Variants in MAP2K5 observed in about 807,000 individuals in gnomAD.
MAP2K5 encodes the protein mitogen-activated protein kinase kinase 5, also known as dual specificity mitogen-activated protein kinase kinase 5.
Under a neutral mutation model 83.1 loss-of-function variants are expected in MAP2K5, and 49 were observed. That is an observed-to-expected ratio of 0.59 (90% CI 0.47 to 0.75). The LOEUF (loss-of-function observed/expected upper bound fraction) is 0.75, where lower values mean the gene tolerates loss of function less well. Ranked by LOEUF, MAP2K5 falls within the 30% of genes least tolerant of loss-of-function variation. MAP2K5 has a pLI of 0.00. For missense variants in MAP2K5, 457 were observed against 557.5 expected (o/e 0.82, Z 1.82); for synonymous variants, 202 against 191.8 (o/e 1.05, Z -0.44).
chr15:67,564,362 G>T (rs2084798056), intron 3 of MAP2K5, among the ~76,000 whole-genome samples: 1 of 152,144 alleles, frequency 6.6e-6, no homozygotes, highest in Non-Finnish European at 1.5e-5. Flanking sequence ...ATGTGGAAAT[G>T]ATGGAATCAG....
chr15:67,582,228 A>AT (rs1327958449), intron 4 of MAP2K5, among the ~76,000 whole-genome samples: 1 of 151,830 alleles, frequency 6.6e-6, no homozygotes, highest in Non-Finnish European at 1.5e-5. Flanking sequence ...CACCCAGCTA[A>AT]TTTTTGTATT....
Position 67,586,826 on chromosome 15 carries a change from G to T in MAP2K5, c.364-20G>T, listed in dbSNP as rs201761109. 6.2e-7 allele frequency: 1 copy of T among 1,611,802 alleles called. No individual in the cohort carries two copies. Among genetic ancestry groups the T allele is most frequent in the South Asian group, 1.1e-5 (1 of 91,026 alleles). ...GTCCTCAGAACACAAGACTGATCAA[G>T]ATTCTTTCTTTACTTATAGGTGAAT... is the stretch of plus-strand genomic sequence containing the variant. On this transcript the variant is annotated intron_variant, in intron 5 of 21. Transcript: ENST00000178640.
In MAP2K5 at chr15:67,555,333, C is replaced by G. The variant is rs2084603036; in HGVS notation, c.184+5251C>G. On this transcript the variant is annotated intron_variant, in intron 2 of 21. Coordinates refer to ENST00000178640, the MANE Select transcript of MAP2K5 (RefSeq NM_145160.3). The surrounding 1 kb of genome is among the most constrained non-coding windows in gnomAD (Gnocchi z 5.2). Reference sequence around the variant, plus strand: ...CAACCAACCAGTTTCTCACATGAACCAACAGAGTGAGAACCCACTACCATA... The same window carrying G: ...CAACCAACCAGTTTCTCACATGAACGAACAGAGTGAGAACCCACTACCATA... Among the ~76,000 whole-genome samples the G allele has an allele frequency of 6.6e-6, 1 of 152,138 alleles. No individual in the cohort carries two copies.
chr15:67,671,703 G>A (rs56689468), intron 13 of MAP2K5, among the ~76,000 whole-genome samples: 26,669 of 151,122 alleles, frequency 0.18, 3,117 homozygotes, highest in African/African-American at 0.33. Flanking sequence ...GGGTACGTGT[G>A]CACAATGTGC....
intron 8 of MAP2K5, among the ~76,000 whole-genome samples, chr15:67,612,616 C>T (rs1399831306): frequency 6.6e-6 from 1 of 152,148 alleles, no homozygotes; most frequent in Non-Finnish European, 1.5e-5. Flanking sequence ...AGGAAAAAGT[C>T]TCTCCTGGTT....
At chr15:67,784,133 T>G (rs2090375406) in intron 21 of MAP2K5, among the ~76,000 whole-genome samples, 1 of 152,214 alleles carries the variant, frequency 6.6e-6, no homozygotes, top group Non-Finnish European at 1.5e-5. Flanking sequence ...AGTTATCTCA[T>G]TTGACCTTCA....
At chr15:67,663,794 G>T (rs2087300717) in intron 12 of MAP2K5, among the ~76,000 whole-genome samples, 1 of 152,128 alleles carries the variant, frequency 6.6e-6, no homozygotes, top group Non-Finnish European at 1.5e-5. Flanking sequence ...AGGATTGTTT[G>T]ATCCCAGGAA....
rs186547332 is a variant in MAP2K5 at position 67,738,469 on chromosome 15, C to T, written c.1075-9762C>T. On this transcript the variant is annotated intron_variant, in intron 17 of 21. Coordinates refer to ENST00000178640, the MANE Select transcript of MAP2K5 (RefSeq NM_145160.3). The surrounding 1 kb of genome is among the most constrained non-coding windows in gnomAD (Gnocchi z 4.1). ...CATAGGAGGCAGCAAATGACACACC[C>T]GACAAGTGACAAATTAAGTCACTGA... 2.6e-5 allele frequency among the ~76,000 whole-genome samples: 4 copies of T among 152,316 alleles called. No homozygotes were observed. Among genetic ancestry groups the T allele is most frequent in the East Asian group, 1.9e-4 (1 of 5,190 alleles).
Position 67,703,405 on chromosome 15 carries a change from G to A in MAP2K5, c.1041G>A (p.Met347Ile), listed in dbSNP as rs147171817. Residue 347 changes from methionine (M) to isoleucine (I), a missense_variant, in exon 16 of 22, where the codon ATG becomes ATA. Physicochemically the swap from Met to Ile is conservative, Grantham distance 10 (BLOSUM62 1). Around this residue, in one of 3 missense-constraint regions of MAP2K5, gnomAD observed 168 missense variants for 263.0 expected, o/e 0.64. Transcript: ENST00000178640. ...TCTGGAGCTTAGGAATCTCTTTTAT[G>A]GAGGTACGTTGTTTGCACATAGACG... Reference protein sequence around the residue: ...SDVWSLGISFMELALGRFPYP... With the variant: ...SDVWSLGISFIELALGRFPYP... 13 of 1,612,448 alleles carry A rather than the reference G, an allele frequency of 8.1e-6. No individual in the cohort carries two copies. In the African/African-American group the frequency reaches 1.7e-4, roughly 22 times the overall value.
At chr15:67,659,109 G>A (rs1248003440) in intron 12 of MAP2K5, 1 of 234,774 alleles carries the variant, frequency 4.3e-6, no homozygotes, top group African/African-American at 2.3e-5. Context: ...TTCCCTTTGT[G>A]ATTTAAAGCA....
intron 15 of MAP2K5, among the ~76,000 whole-genome samples, chr15:67,695,271 T>A (rs550251201): frequency 4.9e-4 from 73 of 149,062 alleles, no homozygotes; most frequent in South Asian, 1.3e-3. Context: ...ATAATAAATT[T>A]AAAAAAAAAA....
chr15:67,679,777 G>T (rs887169383), intron 13 of MAP2K5: 1 of 152,130 alleles, frequency 6.6e-6, no homozygotes, highest in African/African-American at 2.4e-5. Flanking sequence ...ATTAGTCATG[G>T]TAATGAGAAA....
chr15:67,699,500 A>C (rs927168424), intron 15 of MAP2K5, among the ~76,000 whole-genome samples: 10 of 152,222 alleles, frequency 6.6e-5, no homozygotes, highest in African/African-American at 2.2e-4. Context: ...AAAGTGGAAC[A>C]AACTATGACC....
chr15:67,727,906 C>A lies in MAP2K5; in HGVS notation c.1045-10C>A, dbSNP rs776969121. 6.2e-6 allele frequency: 10 copies of A among 1,608,116 alleles called. No homozygotes were observed. The African/African-American group carries it at 1.3e-4, about 21-fold the overall frequency. On this transcript the variant is annotated splice_polypyrimidine_tract_variant and intron_variant, in intron 16 of 21. Transcript: ENST00000178640. Reference sequence around the variant, plus strand: ...ATCTATAACTAGACAAATATTATTTCCTTTCCCAGCTTGCTCTTGGGAGGT... The same window carrying A: ...ATCTATAACTAGACAAATATTATTTACTTTCCCAGCTTGCTCTTGGGAGGT...
At position 67,720,295 on chromosome 15, in the gene MAP2K5, CACAT is replaced by C. The variant is rs202027046; in HGVS notation, c.1045-7613_1045-7610del. ...ATATGCTTATATATACATAAGTATACACATACATACACACACATATGCTTATACA... is the reference window on the plus strand; with the variant it reads ...ATATGCTTATATATACATAAGTATACACATACACACACATATGCTTATACA... On this transcript the variant is annotated intron_variant, in intron 16 of 21. Coordinates refer to ENST00000178640, the MANE Select transcript of MAP2K5 (RefSeq NM_145160.3). The surrounding 1 kb of genome is among the most constrained non-coding windows in gnomAD (Gnocchi z 5.7). 3.1e-4 allele frequency among the ~76,000 whole-genome samples: 47 copies of C among 151,712 alleles called. No homozygotes were observed. The highest frequency in any genetic ancestry group is 1.1e-3 in the African/African-American group (46 of 41,196).
At chr15:67,626,299 G>C (rs997444385) in intron 8 of MAP2K5, among the ~76,000 whole-genome samples, 2 of 152,172 alleles carry the variant, frequency 1.3e-5, no homozygotes, top group East Asian at 3.9e-4. Flanking sequence ...GAGGCTGGTA[G>C]ATCACTTGAG....
intron 16 of MAP2K5, among the ~76,000 whole-genome samples, chr15:67,709,142 C>G (rs1322881897): frequency 6.6e-6 from 1 of 152,178 alleles, no homozygotes; most frequent in Admixed American, 6.5e-5. Flanking sequence ...TGTTGTAGTT[C>G]CCCTCCTGTG....
At chr15:67,628,810 C>T in intron 8 of MAP2K5, 1 of 750,074 alleles carries the variant, frequency 1.3e-6, no homozygotes, top group South Asian at 1.4e-5. Context: ...GTGGGAATGA[C>T]AATTTTGGTC....
intron 8 of MAP2K5, among the ~76,000 whole-genome samples, chr15:67,603,660 T>C (rs1294767767): frequency 2.0e-5 from 3 of 152,162 alleles, no homozygotes; most frequent in Non-Finnish European, 4.4e-5. Context: ...TGTTCTTATA[T>C]CCCTGGCTTT....
Sources: allele counts gnomAD v4.1 joint callset (sites outside exome capture counted in the v4.1 genomes callset), GRCh38; gene constraint gnomAD v4.1.1; regional missense constraint gnomAD v4.1.1; non-coding constraint Gnocchi (gnomAD v3.1); transcripts MANE v1.5; gene names NCBI Gene and HGNC (gene_info 2026-07-23, HGNC 2026-07-21).